Variants in ZNF407 observed in about 807,000 individuals in gnomAD.
The protein encoded by ZNF407 is zinc finger protein 407.
A neutral mutation model predicts 131.2 loss-of-function variants in ZNF407; 17 were observed. The ratio of observed to expected loss-of-function variants is 0.13; its 90% CI spans 0.09 to 0.19. The LOEUF is 0.19. Among genes scored for constraint, ZNF407 ranks in the 10% least tolerant of loss-of-function variants. ZNF407 has a pLI of 1.00. For missense variants in ZNF407, 2,681 were observed against 2,830.6 expected, an observed-to-expected ratio of 0.95 and a Z score of 1.20; for synonymous variants, 1,156 against 1,062.0, an observed-to-expected ratio of 1.09 and a Z score of -1.72.
rs1008404605 is a variant in ZNF407 at position 74,804,032 on chromosome 18, C to G, written c.4877+22530C>G. The G allele has an allele frequency of 5.8e-6, 9 of 1,551,544 alleles. No individual in the cohort carries two copies. The African/African-American group carries it at 1.2e-4, about 21-fold the overall frequency. Reference sequence around the variant, plus strand: ...CAGAACAACAGGAACGCGTCGAGTGCCTCTGAAGCCCAAAGTCTTTGTGAG... The same window carrying G: ...CAGAACAACAGGAACGCGTCGAGTGGCTCTGAAGCCCAAAGTCTTTGTGAG... On this transcript the variant is annotated intron_variant, in intron 4 of 8. Coordinates refer to ENST00000299687, the MANE Select transcript of ZNF407 (RefSeq NM_017757.3).
chr18:74,785,769 T>C (rs903149415), intron 4 of ZNF407, among the ~76,000 whole-genome samples: 5 of 143,728 alleles, frequency 3.5e-5, no homozygotes, highest in Non-Finnish European at 7.5e-5. Flanking sequence ...CAGATGTCAC[T>C]CACATGGCAC....
intron 8 of ZNF407, among the ~76,000 whole-genome samples, chr18:74,945,329 T>C (rs2145272775): frequency 6.6e-6 from 1 of 152,326 alleles, no homozygotes; most frequent in Non-Finnish European, 1.5e-5. Flanking sequence ...CCTATAAATA[T>C]ATTTTAGGTT....
In ZNF407 at chr18:74,833,517, A is replaced by G. The variant is rs113994239; in HGVS notation, c.4878-43680A>G. On this transcript the variant is annotated intron_variant, in intron 4 of 8. Transcript: ENST00000299687. ...GTGCCAGCACTGCACAGAGAGGTGTAGGTGGATAGGCTGGGAAGCATACTT... is the reference window on the plus strand; with the variant it reads ...GTGCCAGCACTGCACAGAGAGGTGTGGGTGGATAGGCTGGGAAGCATACTT... Among the ~76,000 whole-genome samples the G allele has an allele frequency of 3.8e-3, 580 of 152,266 alleles. 5 individuals are homozygous for G. The highest frequency in any genetic ancestry group is 0.013 in the African/African-American group (541 of 41,526).
chr18:74,843,575 G>T (rs1970662866), intron 4 of ZNF407, among the ~76,000 whole-genome samples: 2 of 152,174 alleles, frequency 1.3e-5, no homozygotes, highest in Admixed American at 1.3e-4. Context: ...CTATGCATGG[G>T]ACTAGCAAAT....
intron 3 of ZNF407, among the ~76,000 whole-genome samples, chr18:74,673,614 A>G (rs7244762): frequency 0.083 from 12,680 of 152,250 alleles, 709 homozygotes; most frequent in African/African-American, 0.15. Flanking sequence ...GGTTCATTGT[A>G]CTGCCTCCCA....
At chr18:74,599,627 T>C (rs1408896096) in intron 1 of ZNF407, among the ~76,000 whole-genome samples, 1 of 152,168 alleles carries the variant, frequency 6.6e-6, no homozygotes, top group East Asian at 1.9e-4. Flanking sequence ...TTGCAGGATA[T>C]GTGATTTGAG....
Position 74,889,980 on chromosome 18 carries a change from C to A in ZNF407, c.5191C>A (p.Arg1731=). Residue 1731 remains arginine, a synonymous_variant, in exon 7 of 9, where the codon CGG becomes AGG. Transcript: ENST00000299687. ...FASTTQSHLT[R]HKRVHTGEKP... Reference sequence around the variant, plus strand: ...CTCCACAACTCAGTCCCATTTGACTCGGCATAAACGTGTCCACACTGGAGA... The same window carrying A: ...CTCCACAACTCAGTCCCATTTGACTAGGCATAAACGTGTCCACACTGGAGA... 1 of 1,607,752 alleles carries A rather than the reference C, an allele frequency of 6.2e-7. No individual in the cohort carries two copies. Among genetic ancestry groups the A allele is most frequent in the Non-Finnish European group, 8.5e-7 (1 of 1,176,870 alleles).
chr18:74,990,786 C>A (rs1045475236), intron 8 of ZNF407, among the ~76,000 whole-genome samples: 1 of 152,204 alleles, frequency 6.6e-6, no homozygotes, highest in Non-Finnish European at 1.5e-5. Flanking sequence ...GATTTGTGCA[C>A]CATACAGCTT....
intron 3 of ZNF407, among the ~76,000 whole-genome samples, chr18:74,699,607 T>G (rs1481276510): frequency 6.6e-6 from 1 of 152,124 alleles, no homozygotes; most frequent in African/African-American, 2.4e-5. Context: ...GGCGAGCTAC[T>G]CCAGTGAGTA....
intron 2 of ZNF407, among the ~76,000 whole-genome samples, chr18:74,639,594 C>T (rs145792090): frequency 1.2e-3 from 185 of 152,316 alleles, no homozygotes; most frequent in African/African-American, 4.3e-3. Context: ...GACATTTAAA[C>T]ATATAAACCT....
intron 3 of ZNF407, among the ~76,000 whole-genome samples, chr18:74,753,536 A>G (rs1968856326): frequency 6.6e-6 from 1 of 152,164 alleles, no homozygotes. Flanking sequence ...TCCCATCAAT[A>G]CCTAGTTTAT....
intron 8 of ZNF407, among the ~76,000 whole-genome samples, chr18:74,947,814 T>C (rs1972170476): frequency 6.6e-6 from 1 of 152,244 alleles, no homozygotes; most frequent in Non-Finnish European, 1.5e-5. Flanking sequence ...CAAAGAACAG[T>C]GGGCTTTCTC....
At chr18:74,779,381 T>C (rs1036915691) in intron 3 of ZNF407, among the ~76,000 whole-genome samples, 2 of 151,920 alleles carry the variant, frequency 1.3e-5, no homozygotes, top group Non-Finnish European at 2.9e-5. Flanking sequence ...CCCAGAGTGC[T>C]GGGATTACAG....
At chr18:75,032,850 A>G (rs1455253628) in intron 8 of ZNF407, among the ~76,000 whole-genome samples, 2 of 136,034 alleles carry the variant, frequency 1.5e-5, no homozygotes, top group Non-Finnish European at 3.1e-5. Context: ...AGTGCTCGGA[A>G]TGGGGGGAAG....
intron 8 of ZNF407, among the ~76,000 whole-genome samples, chr18:74,932,446 AT>A (rs1156717043): frequency 2.6e-5 from 4 of 152,170 alleles, no homozygotes; most frequent in Non-Finnish European, 5.9e-5. Context: ...ACAGTTGGAT[AT>A]GTGCATTTCC....
intron 4 of ZNF407, among the ~76,000 whole-genome samples, chr18:74,799,546 C>T (rs1969981520): frequency 6.6e-6 from 1 of 152,030 alleles, no homozygotes; most frequent in South Asian, 2.1e-4. Flanking sequence ...TTAGATATTA[C>T]CTGTTGTCCC....
At chr18:74,653,636 C>T (rs1377321010) in intron 3 of ZNF407, among the ~76,000 whole-genome samples, 1 of 151,712 alleles carries the variant, frequency 6.6e-6, no homozygotes, top group African/African-American at 2.4e-5. Context: ...ATTGAATCTT[C>T]ATATATTGAT....
Position 74,634,328 on chromosome 18 carries a change from A to G in ZNF407, c.3309A>G (p.Gln1103=), listed in dbSNP as rs1199454584. Residue 1103 remains glutamine, a synonymous_variant, in exon 2 of 9, where the codon CAA becomes CAG. Transcript: ENST00000299687. ...TTATGCCTGAAGAAGAGCATCAACA[A>G]AATTCTGAGGAATTTCAAATAATTT... The part of the protein sequence containing the change: ...NIIMPEEEHQ[Q]NSEEFQIISG... The G allele has an allele frequency of 6.2e-7, 1 of 1,613,876 alleles. No individual in the cohort carries two copies. The highest frequency in any genetic ancestry group is 8.5e-7 in the Non-Finnish European group (1 of 1,179,874).
intron 3 of ZNF407, among the ~76,000 whole-genome samples, chr18:74,758,478 T>C (rs930051635): frequency 6.6e-6 from 1 of 152,234 alleles, no homozygotes; most frequent in South Asian, 2.1e-4. Context: ...GTTACTGTCA[T>C]ATAAAATGTA....
Sources: gnomAD v4.1 joint callset for allele counts (sites outside exome capture counted in the v4.1 genomes callset) on GRCh38, gnomAD v4.1.1 for gene constraint, MANE v1.5 for transcripts, NCBI Gene and HGNC (gene_info 2026-07-23, HGNC 2026-07-21) for gene names.